The following PPIB variants were observed in gnomAD, a reference collection of about 807,000 sequenced individuals.
PPIB encodes peptidyl-prolyl cis-trans isomerase B.
In PPIB, 15 loss-of-function variants were observed where a neutral mutation model predicts 20.1. That is an observed-to-expected ratio of 0.75 (90% CI 0.50 to 1.15). PPIB has a LOEUF of 1.15. Among genes scored for constraint, PPIB ranks in the 50% most tolerant of loss-of-function variants. The pLI is 0.00. For synonymous variants in PPIB, 129 were observed against 111.0 expected, an observed-to-expected ratio of 1.16 and a Z score of -1.02; for missense variants, 278 against 283.0, an observed-to-expected ratio of 0.98 and a Z score of 0.13.
At position 64,156,454 on chromosome 15, in the gene PPIB, C is replaced by T; in HGVS notation, c.528+271G>A. On this transcript the variant is annotated intron_variant, in intron 4 of 4. Transcript: ENST00000300026. This position sits in a 1 kb window ranked among gnomAD's most constrained non-coding sequence, Gnocchi z 6.4. ...GCGTTCAGCTGCACTCTGTATACCT[C>T]AGGGGTGGGACCAGCACGTCACTGA... is the stretch of plus-strand genomic sequence containing the variant. 1.6e-6 allele frequency: 1 copy of T among 617,290 alleles called. No homozygotes were observed. Among genetic ancestry groups the T allele is most frequent in the Non-Finnish European group, 2.9e-6 (1 of 348,092 alleles). 38.2% of individuals were successfully genotyped at this position (617,290 alleles called of 1,614,324 possible).
In PPIB at chr15:64,160,347, G is replaced by A. The variant is rs2081558566; in HGVS notation, c.250-150C>T. ...TTCACTGTTCAGTGTGCTACTAAGT[G>A]AGCGGGCAGGCGCCACAGGACAGGC... On this transcript the variant is annotated intron_variant, in intron 2 of 4. Coordinates refer to ENST00000300026, the MANE Select transcript of PPIB (RefSeq NM_000942.5). This position sits in a 1 kb window ranked among gnomAD's most constrained non-coding sequence, Gnocchi z 4.8. 3 of 718,840 alleles carry A rather than the reference G, an allele frequency of 4.2e-6. No individual in the cohort carries two copies. Among genetic ancestry groups the A allele is most frequent in the African/African-American group, 3.5e-5 (2 of 57,390 alleles). 44.5% of individuals were successfully genotyped at this position (718,840 alleles called of 1,614,324 possible). A position where few individuals can be genotyped will look rare whatever the true frequency, so the allele number is the denominator to read the frequency against.
rs750253426 is a variant in PPIB, at chr15:64,160,413, A to G, written c.250-216T>C. ...GTGGAAATCCCTCTGCCTCCATACAATTCCCAAGCTTTATACAATTCTACA... is the reference window on the plus strand; with the variant it reads ...GTGGAAATCCCTCTGCCTCCATACAGTTCCCAAGCTTTATACAATTCTACA... On this transcript the variant is annotated intron_variant, in intron 2 of 4. Coordinates refer to ENST00000300026, the MANE Select transcript of PPIB (RefSeq NM_000942.5). This position sits in a 1 kb window ranked among gnomAD's most constrained non-coding sequence, Gnocchi z 4.8. Among the ~76,000 whole-genome samples the G allele has an allele frequency of 1.3e-5, 2 of 152,204 alleles. No homozygotes were observed. The highest frequency in any genetic ancestry group is 2.1e-4 in the South Asian group (1 of 4,828).
In PPIB at chr15:64,156,944, G is replaced by C; in HGVS notation, c.344-35C>G. 1 of 1,607,654 alleles carries C rather than the reference G, an allele frequency of 6.2e-7. No individual in the cohort carries two copies. The highest frequency in any genetic ancestry group is 2.2e-5 in the East Asian group (1 of 44,806). The stretch of plus-strand genomic sequence containing the variant: ...AAGACAGAGCAGGTCAGGGGCGCTG[G>C]ATTGCGCCAAACCAAGCAGACATTC... On this transcript the variant is annotated intron_variant, in intron 3 of 4. Transcript: ENST00000300026. This position sits in a 1 kb window ranked among gnomAD's most constrained non-coding sequence, Gnocchi z 6.4.
At position 64,161,889 on chromosome 15, in the gene PPIB, A is replaced by G; in HGVS notation, c.249+152T>C. 1 of 750,374 alleles carries G rather than the reference A, an allele frequency of 1.3e-6. No individual in the cohort carries two copies. 46.5% of individuals were successfully genotyped at this position (750,374 alleles called of 1,614,324 possible). A position where few individuals can be genotyped will look rare whatever the true frequency, so the allele number is the denominator to read the frequency against. On this transcript the variant is annotated intron_variant, in intron 2 of 4. Coordinates refer to ENST00000300026, the MANE Select transcript of PPIB (RefSeq NM_000942.5). This position sits in a 1 kb window ranked among gnomAD's most constrained non-coding sequence, Gnocchi z 4.2. ...TGGTCAGGGCCCCATTACTCTTAAG[A>G]AAGGGCAATACTGTGTTCCCAGGGC...
In PPIB at chr15:64,161,909, C is replaced by T. The variant is rs1005229364; in HGVS notation, c.249+132G>A. 3.9e-5 allele frequency: 30 copies of T among 777,128 alleles called. No homozygotes were observed. The highest frequency in any genetic ancestry group is 6.6e-5 in the Non-Finnish European group (28 of 425,944). 48.1% of individuals were successfully genotyped at this position (777,128 alleles called of 1,614,324 possible). ...TTAAGAAAGGGCAATACTGTGTTCC[C>T]AGGGCAACAGGCAGTCGGTGCTCAG... On this transcript the variant is annotated intron_variant, in intron 2 of 4. Coordinates refer to ENST00000300026, the MANE Select transcript of PPIB (RefSeq NM_000942.5). The surrounding 1 kb of genome is among the most constrained non-coding windows in gnomAD (Gnocchi z 4.2).
rs367616150 is a variant in PPIB, at chr15:64,162,995, G to C, written c.-9C>G. On this transcript the variant is annotated 5_prime_UTR_variant, in exon 1 of 5. Coordinates refer to ENST00000300026, the MANE Select transcript of PPIB (RefSeq NM_000942.5). ...TCGGAGAGGCGCAGCATCCACAGGC[G>C]GAGGCGAAAGCAGCCCGGACAGCTG... 986 of 1,612,500 alleles carry C rather than the reference G, an allele frequency of 6.1e-4. No individual in the cohort carries two copies. Among genetic ancestry groups the C allele is most frequent in the Non-Finnish European group, 6.8e-4 (798 of 1,179,642 alleles).
In PPIB at chr15:64,156,273, G is replaced by A. The variant is rs1050842237; in HGVS notation, c.529-128C>T. On this transcript the variant is annotated intron_variant, in intron 4 of 4. Transcript: ENST00000300026. The surrounding 1 kb of genome is among the most constrained non-coding windows in gnomAD (Gnocchi z 6.4). ...TGATCAACAGCACACAAAACTGGAGGCACCAAAATTCTAACAGACTCCTGG... is the reference window on the plus strand; with the variant it reads ...TGATCAACAGCACACAAAACTGGAGACACCAAAATTCTAACAGACTCCTGG... 4.2e-5 allele frequency: 52 copies of A among 1,239,170 alleles called. No homozygotes were observed. In the Admixed American group the frequency reaches 9.9e-4, roughly 23 times the overall value. The allele number at this position is 1,239,170 out of a possible 1,614,324, so 76.8% of individuals were successfully genotyped here. A position where few individuals can be genotyped will look rare whatever the true frequency, so the allele number is the denominator to read the frequency against.
In PPIB at chr15:64,157,863, T is replaced by C. The variant is rs992957262; in HGVS notation, c.344-954A>G. 1.3e-5 allele frequency among the ~76,000 whole-genome samples: 2 copies of C among 152,174 alleles called. No individual in the cohort carries two copies. Among genetic ancestry groups the C allele is most frequent in the Non-Finnish European group, 2.9e-5 (2 of 68,024 alleles). On this transcript the variant is annotated intron_variant, in intron 3 of 4. Transcript: ENST00000300026. The surrounding 1 kb of genome is among the most constrained non-coding windows in gnomAD (Gnocchi z 4.2). ...AGGTAGGATGACTGAAAACCAAGAA[T>C]GACCAGACTCTGGCTGGTGGGGACA...
chr15:64,162,099 AG>A lies in PPIB; in HGVS notation c.190del (p.Leu64SerfsTer16). ...DEDVGRVIFG[L>X]FGKTVPKTVD... Reference sequence around the variant, plus strand: ...TGTTTTTGGAACAGTCTTTCCGAAGAGACCAAAGATCACCCGGCCTACATCT... The same window carrying A: ...TGTTTTTGGAACAGTCTTTCCGAAGAACCAAAGATCACCCGGCCTACATCT... On this transcript the variant is annotated frameshift_variant, in exon 2 of 5. Transcript: ENST00000300026. LOFTEE classifies it high-confidence loss of function. 1 of 1,614,232 alleles carries A rather than the reference AG, an allele frequency of 6.2e-7. No individual in the cohort carries two copies. Among genetic ancestry groups the A allele is most frequent in the Non-Finnish European group, 8.5e-7 (1 of 1,180,028 alleles).
rs1361655863 is a variant in PPIB at position 64,156,572 on chromosome 15, G to A, written c.528+153C>T. 2.1e-6 allele frequency: 2 copies of A among 966,064 alleles called. No homozygotes were observed. The highest frequency in any genetic ancestry group is 4.8e-5 in the East Asian group (2 of 41,868). 59.8% of individuals were successfully genotyped at this position (966,064 alleles called of 1,614,324 possible). A position where few individuals can be genotyped will look rare whatever the true frequency, so the allele number is the denominator to read the frequency against. ...GAATTTAGAACCTTGGAGGCATGGA[G>A]GTACAGGGTTTATTCTGGACAGGAG... On this transcript the variant is annotated intron_variant, in intron 4 of 4. Transcript: ENST00000300026. The surrounding 1 kb of genome is among the most constrained non-coding windows in gnomAD (Gnocchi z 6.4).
Position 64,162,933 on chromosome 15 carries a change from G to A in PPIB, c.54C>T (p.Ile18=), listed in dbSNP as rs1596031866. The change falls in exon 1 of 5, where the codon ATC becomes ATT. Residue 18 remains isoleucine (I), a synonymous_variant. Coordinates refer to ENST00000300026, the MANE Select transcript of PPIB (RefSeq NM_000942.5). ...NMKVLLAAAL[I]AGSVFFLLLP... ...GCAGCAGGAAGAAGACGGACCCCGC[G>A]ATGAGGGCGGCGGCAAGGAGCACCT... 14 of 1,613,594 alleles carry A rather than the reference G, an allele frequency of 8.7e-6. No homozygotes were observed. In the East Asian group the frequency reaches 3.1e-4, roughly 36 times the overall value.
rs202116920 is a variant in PPIB, at chr15:64,155,942, C to T, written c.*81G>A. Reference sequence around the variant, plus strand: ...GGTCCGCTCCACCAGATGCCAGCACCGGGGCCAGTGCAGCTCAGAGCCCTG... The same window carrying T: ...GGTCCGCTCCACCAGATGCCAGCACTGGGGCCAGTGCAGCTCAGAGCCCTG... On this transcript the variant is annotated 3_prime_UTR_variant, in exon 5 of 5. Transcript: ENST00000300026. 1.9e-5 allele frequency: 30 copies of T among 1,603,616 alleles called. No homozygotes were observed. Among genetic ancestry groups the T allele is most frequent in the Middle Eastern group, 3.5e-4 (2 of 5,722 alleles).
Position 64,156,335 on chromosome 15 carries a change from C to A in PPIB, c.529-190G>T, listed in dbSNP as rs751182205. 29 of 806,568 alleles carry A rather than the reference C, an allele frequency of 3.6e-5. No individual in the cohort carries two copies. Among genetic ancestry groups the A allele is most frequent in the Non-Finnish European group, 5.6e-5 (28 of 496,102 alleles). The allele number at this position is 806,568 out of a possible 1,614,324, so 50.0% of individuals were successfully genotyped here. A position where few individuals can be genotyped will look rare whatever the true frequency, so the allele number is the denominator to read the frequency against. ...AGAATGCAGATTTGACGAGGGGGTA[C>A]AGGAATTTTGTTCCTTTGAAGTAAG... On this transcript the variant is annotated intron_variant, in intron 4 of 4. Coordinates refer to ENST00000300026, the MANE Select transcript of PPIB (RefSeq NM_000942.5). This position sits in a 1 kb window ranked among gnomAD's most constrained non-coding sequence, Gnocchi z 6.4.
In PPIB at chr15:64,155,834, C is replaced by A. The variant is rs1479946828; in HGVS notation, c.*189G>T. ...ACATTATATATTAAAAAAAAAAAAA[C>A]CCACATTTTTTTTTATTGGTCAGTG... On this transcript the variant is annotated 3_prime_UTR_variant, in exon 5 of 5. Transcript: ENST00000300026. The A allele has an allele frequency of 2.2e-4, 153 of 699,418 alleles. No individual in the cohort carries two copies. The highest frequency in any genetic ancestry group is 1.2e-3 in the South Asian group (69 of 56,478). 43.3% of individuals were successfully genotyped at this position (699,418 alleles called of 1,614,324 possible).
chr15:64,159,930 G>A lies in PPIB; in HGVS notation c.343+174C>T. On this transcript the variant is annotated intron_variant, in intron 3 of 4. Coordinates refer to ENST00000300026, the MANE Select transcript of PPIB (RefSeq NM_000942.5). The surrounding 1 kb of genome is among the most constrained non-coding windows in gnomAD (Gnocchi z 5.1). ...TCCACCCCATTATTCTCTCTCCTTTGTACTGGGTTCCCTCTTCAAAGAAGG... is the reference window on the plus strand; with the variant it reads ...TCCACCCCATTATTCTCTCTCCTTTATACTGGGTTCCCTCTTCAAAGAAGG... 1 of 689,110 alleles carries A rather than the reference G, an allele frequency of 1.5e-6. No homozygotes were observed. Among genetic ancestry groups the A allele is most frequent in the East Asian group, 2.7e-5 (1 of 37,058 alleles). 42.7% of individuals were successfully genotyped at this position (689,110 alleles called of 1,614,324 possible).
Position 64,157,030 on chromosome 15 carries a change from C to T in PPIB, c.344-121G>A. ...TGCCAGGCTAGGCTGGAGTGGACTACAAGGACATAAAAGCAGCGTCCTTCC... is the reference window on the plus strand; with the variant it reads ...TGCCAGGCTAGGCTGGAGTGGACTATAAGGACATAAAAGCAGCGTCCTTCC... On this transcript the variant is annotated intron_variant, in intron 3 of 4. Coordinates refer to ENST00000300026, the MANE Select transcript of PPIB (RefSeq NM_000942.5). The surrounding 1 kb of genome is among the most constrained non-coding windows in gnomAD (Gnocchi z 4.2). 5 of 1,079,480 alleles carry T rather than the reference C, an allele frequency of 4.6e-6. No individual in the cohort carries two copies. The highest frequency in any genetic ancestry group is 6.7e-6 in the Non-Finnish European group (5 of 750,298). 66.9% of individuals were successfully genotyped at this position (1,079,480 alleles called of 1,614,324 possible).
rs921360079 is a variant in PPIB, at chr15:64,157,087, A to C, written c.344-178T>G. The C allele has an allele frequency of 9.1e-6, 6 of 662,160 alleles. No homozygotes were observed. Among genetic ancestry groups the C allele is most frequent in the Non-Finnish European group, 1.5e-5 (6 of 391,706 alleles). 41.0% of individuals were successfully genotyped at this position (662,160 alleles called of 1,614,324 possible). A position where few individuals can be genotyped will look rare whatever the true frequency, so the allele number is the denominator to read the frequency against. ...CTGGCCTCAGAGCCAAGCCATGCTG[A>C]CTGAGGCCAAGTGGGGCATCAGGCC... On this transcript the variant is annotated intron_variant, in intron 3 of 4. Transcript: ENST00000300026. This position sits in a 1 kb window ranked among gnomAD's most constrained non-coding sequence, Gnocchi z 4.2.
In PPIB at chr15:64,155,961, A is replaced by G; in HGVS notation, c.*62T>C. 1 of 1,612,118 alleles carries G rather than the reference A, an allele frequency of 6.2e-7. No homozygotes were observed. The highest frequency in any genetic ancestry group is 8.5e-7 in the Non-Finnish European group (1 of 1,179,084). ...CAGCACCGGGGCCAGTGCAGCTCAG[A>G]GCCCTGTGGCGGACTACAGGGCCTG... On this transcript the variant is annotated 3_prime_UTR_variant, in exon 5 of 5. Coordinates refer to ENST00000300026, the MANE Select transcript of PPIB (RefSeq NM_000942.5).
At position 64,161,930 on chromosome 15, in the gene PPIB, C is replaced by A; in HGVS notation, c.249+111G>T. ...TTCCCAGGGCAACAGGCAGTCGGTG[C>A]TCAGTGAGGTCCACGCTACAGATCG... On this transcript the variant is annotated intron_variant, in intron 2 of 4. Transcript: ENST00000300026. This position sits in a 1 kb window ranked among gnomAD's most constrained non-coding sequence, Gnocchi z 4.2. 1.2e-6 allele frequency: 1 copy of A among 821,746 alleles called. No homozygotes were observed. Among genetic ancestry groups the A allele is most frequent in the African/African-American group, 1.7e-5 (1 of 59,870 alleles). The allele number at this position is 821,746 out of a possible 1,614,324, so 50.9% of individuals were successfully genotyped here.
Sources: gnomAD v4.1 joint callset for allele counts (sites outside exome capture counted in the v4.1 genomes callset) on GRCh38, gnomAD v4.1.1 for gene constraint, Gnocchi (gnomAD v3.1) non-coding constraint, MANE v1.5 for transcripts, NCBI Gene and HGNC (gene_info 2026-07-23, HGNC 2026-07-21) for gene names.